Variants in SAMD9L observed in about 807,000 individuals in gnomAD.
SAMD9L encodes sterile alpha motif domain containing 9 like, also known as sterile alpha motif domain-containing protein 9-like.
A neutral mutation model predicts 90.7 loss-of-function variants in SAMD9L; 68 were observed. The observed-to-expected ratio is 0.75, with a 90% CI of 0.62 to 0.92. The LOEUF is 0.92. Ranked by LOEUF, SAMD9L falls within the 40% of genes least tolerant of loss-of-function variation. The pLI, the probability that SAMD9L is intolerant of heterozygous loss-of-function variation, is 0.00. For missense variants in SAMD9L, 1,604 were observed against 1,824.3 expected, an observed-to-expected ratio of 0.88 and a Z score of 2.20; for synonymous variants, 640 against 630.1, an observed-to-expected ratio of 1.02 and a Z score of -0.23.
intron 4 of SAMD9L, among the ~76,000 whole-genome samples, chr7:93,137,562 T>C (rs1279991242): frequency 6.6e-6 from 1 of 151,950 alleles, no homozygotes; most frequent in Non-Finnish European, 1.5e-5. Flanking sequence ...GTAATAATAA[T>C]AGAAATAAAG....
chr7:93,144,538 T>A (rs1792819096), intron 4 of SAMD9L, among the ~76,000 whole-genome samples, 194 bp downstream of exon 4: 1 of 152,318 alleles, frequency 6.6e-6, no homozygotes, highest in Middle Eastern at 3.4e-3. Flanking sequence ...GATTTGAGCA[T>A]GTACAGGTTT....
rs751692411 is a variant in SAMD9L, at chr7:93,134,224, T to A, written c.1748A>T (p.Asn583Ile). Residue 583 changes from asparagine to isoleucine, a missense_variant, in exon 5 of 5, where the codon AAC (asparagine) becomes ATC (isoleucine). Asn to Ile is a moderately radical substitution (Grantham distance 149). Transcript: ENST00000318238. ...GMENMLCISV[N>I]SHIYQRWKDL... is the part of the protein sequence containing the mutation. ...TTTCCATCGTTGATAAATATGTGAG[T>A]TTACAGAGATACACAACATATTTTC... The A allele has an allele frequency of 6.2e-7, 1 of 1,613,202 alleles. No individual in the cohort carries two copies. The highest frequency in any genetic ancestry group is 1.7e-5 in the Admixed American group (1 of 59,930).
In SAMD9L at chr7:93,134,336, C is replaced by G; in HGVS notation, c.1636G>C (p.Val546Leu). The G allele has an allele frequency of 6.2e-7, 1 of 1,610,818 alleles. No homozygotes were observed. Among genetic ancestry groups the G allele is most frequent in the Non-Finnish European group, 8.5e-7 (1 of 1,179,076 alleles). ...TCCACTGAAGAGAGTAATAGAAACA[C>G]TACCAAAAATTTTCCTCTTGTCATT... is the stretch of plus-strand genomic sequence containing the variant. ...NIMTRGKFLV[V>L]FLLLSSVESP... The change falls in exon 5 of 5, where the codon GTG (valine) becomes CTG (leucine). Residue 546 changes from valine (V) to leucine (L), a missense_variant. Physicochemically the swap from Val to Leu is conservative, Grantham distance 32. Around this residue, in one of 7 missense-constraint regions of SAMD9L, gnomAD observed 606 missense variants for 717.6 expected, o/e 0.84. Coordinates refer to ENST00000318238, the MANE Select transcript of SAMD9L (RefSeq NM_152703.5).
intron 1 of SAMD9L, among the ~76,000 whole-genome samples, 178 bp from the exon 2 acceptor site, chr7:93,147,324 C>A (rs563351683): frequency 6.6e-6 from 1 of 152,276 alleles, no homozygotes; most frequent in Non-Finnish European, 1.5e-5. Context: ...CCTCAGTGTC[C>A]TGTTTTGAAA....
Position 93,133,693 on chromosome 7 carries a change from T to G in SAMD9L, c.2279A>C (p.Lys760Thr), listed in dbSNP as rs1461453820. The G allele has an allele frequency of 6.2e-7, 1 of 1,613,608 alleles. No individual in the cohort carries two copies. Among genetic ancestry groups the G allele is most frequent in the East Asian group, 2.2e-5 (1 of 44,870 alleles). Residue 760 changes from lysine to threonine, a missense_variant, in exon 5 of 5, where the codon AAA becomes ACA. By Grantham distance (78) the Lys-to-Thr change is moderately conservative. This residue lies in a region of SAMD9L where 606 missense variants were observed against 717.6 expected (regional missense o/e 0.84). Coordinates refer to ENST00000318238, the MANE Select transcript of SAMD9L (RefSeq NM_152703.5). ...LAMHVLWDLK[K>T]NFRCAVLKNK... is the part of the protein sequence containing the mutation. ...TTTTAACACAGCACATCTGAAGTTT[T>G]TCTTTAAGTCCCAGAGAACATGCAT...
At chr7:93,136,077 G>T (rs1792442174) in intron 4 of SAMD9L, 86 bp from the exon 5 acceptor site, 2 of 852,514 alleles carry the variant, frequency 2.3e-6, no homozygotes, top group Non-Finnish European at 3.4e-6. Context: ...TTATCATACA[G>T]AAGATACATA....
At position 93,131,654 on chromosome 7, in the gene SAMD9L, C is replaced by T; in HGVS notation, c.4318G>A (p.Glu1440Lys). The T allele has an allele frequency of 6.2e-7, 1 of 1,613,786 alleles. No individual in the cohort carries two copies. The highest frequency in any genetic ancestry group is 8.5e-7 in the Non-Finnish European group (1 of 1,179,882). Residue 1440 changes from glutamate (E) to lysine (K), a missense_variant, in exon 5 of 5, where the codon GAG (glutamate) becomes AAG (lysine). Coordinates refer to ENST00000318238, the MANE Select transcript of SAMD9L (RefSeq NM_152703.5). ...ACLLFWPENQ[E>K]LDQDSKLIEK... ...ATTAGTTTGGAATCTTGATCTAGCT[C>T]TTGATTTTCTGGCCAGAACAGGAGG...
intron 4 of SAMD9L, among the ~76,000 whole-genome samples, chr7:93,140,577 A>T (rs977757073): frequency 7.9e-5 from 12 of 152,014 alleles, no homozygotes; most frequent in Non-Finnish European, 5.9e-5. Flanking sequence ...AACTTACAAC[A>T]CCTCCTCACC....
In SAMD9L at chr7:93,132,135, T is replaced by C. The variant is rs768541179; in HGVS notation, c.3837A>G (p.Lys1279=). ...CAATTTCTTTTTGGGTATACCTCAT[T>C]TTCAGAAGAACCATATAATCAATAA... ...DFFIDYMVLL[K]MRYTQKEIAE... The change falls in exon 5 of 5, where the codon AAA becomes AAG. Residue 1279 remains lysine, a synonymous_variant. Transcript: ENST00000318238. The C allele has an allele frequency of 2.5e-6, 4 of 1,612,976 alleles. No individual in the cohort carries two copies. Among genetic ancestry groups the C allele is most frequent in the Non-Finnish European group, 3.4e-6 (4 of 1,179,692 alleles).
In SAMD9L at chr7:93,130,098, T is replaced by A. The variant is rs1251004746; in HGVS notation, c.*1119A>T. 3 of 152,228 alleles carry A rather than the reference T, an allele frequency of 2.0e-5. No individual in the cohort carries two copies. Among genetic ancestry groups the A allele is most frequent in the Non-Finnish European group, 4.4e-5 (3 of 68,048 alleles). 9.4% of individuals were successfully genotyped at this position (152,228 alleles called of 1,614,324 possible). A position where few individuals can be genotyped will look rare whatever the true frequency, so the allele number is the denominator to read the frequency against. ...TTTTTATTCAATATTCAATTTAATCTATATTAGCCTATGTTTCACTTTATA... is the reference window on the plus strand; with the variant it reads ...TTTTTATTCAATATTCAATTTAATCAATATTAGCCTATGTTTCACTTTATA... On this transcript the variant is annotated 3_prime_UTR_variant, in exon 5 of 5. Coordinates refer to ENST00000318238, the MANE Select transcript of SAMD9L (RefSeq NM_152703.5).
chr7:93,143,938 ACATGAGGGCTTT>A (rs1792791826), intron 4 of SAMD9L, among the ~76,000 whole-genome samples: 1 of 152,226 alleles, frequency 6.6e-6, no homozygotes, highest in Admixed American at 6.5e-5. Flanking sequence ...ATAGTTTTAA[ACATGAGGGCTTT>A]CATGTTTAGC....
rs916949363 is a variant in SAMD9L, at chr7:93,131,944, A to T, written c.4028T>A (p.Leu1343His). ...GTAGTTTGGATTAAGATATTCCAAG[A>T]GTCCAGCAAACCTATCTGCTCTCAG... ...EALRADRFAG[L>H]LEYLNPNYKD... The change falls in exon 5 of 5, where the codon CTC becomes CAC. Residue 1343 changes from leucine (L) to histidine (H), a missense_variant. Coordinates refer to ENST00000318238, the MANE Select transcript of SAMD9L (RefSeq NM_152703.5). 11 of 1,612,964 alleles carry T rather than the reference A, an allele frequency of 6.8e-6. No individual in the cohort carries two copies. The highest frequency in any genetic ancestry group is 1.7e-4 in the Middle Eastern group (1 of 6,050).
Position 93,134,019 on chromosome 7 carries a change from A to G in SAMD9L, c.1953T>C (p.Asp651=), listed in dbSNP as rs769117762. The G allele has an allele frequency of 1.2e-6, 2 of 1,613,782 alleles. No homozygotes were observed. The highest frequency in any genetic ancestry group is 1.7e-6 in the Non-Finnish European group (2 of 1,179,858). ...SSVILEKKKE[D]VLTALEILCE... Reference sequence around the variant, plus strand: ...AGAGGATTTCCAGTGCAGTCAAGACATCCTCTTTCTTTTTCTCTAGGATAA... The same window carrying G: ...AGAGGATTTCCAGTGCAGTCAAGACGTCCTCTTTCTTTTTCTCTAGGATAA... Residue 651 remains aspartate (D), a synonymous_variant, in exon 5 of 5, where the codon GAT becomes GAC. Transcript: ENST00000318238.
chr7:93,140,237 A>C (rs1392902000), intron 4 of SAMD9L, among the ~76,000 whole-genome samples: 1 of 146,502 alleles, frequency 6.8e-6, no homozygotes, highest in Non-Finnish European at 1.5e-5. Context: ...AGCATGCTGA[A>C]CAATGGCCCT....
At chr7:93,136,354 T>C (rs1023373126) in intron 4 of SAMD9L, among the ~76,000 whole-genome samples, 2 of 152,162 alleles carry the variant, frequency 1.3e-5, no homozygotes, top group Non-Finnish European at 2.9e-5. Flanking sequence ...ATAGGAATAT[T>C]GCAAATAAAC....
chr7:93,131,590 C>G lies in SAMD9L; in HGVS notation c.4382G>C (p.Gly1461Ala), dbSNP rs1188816314. The G allele has an allele frequency of 6.2e-7, 1 of 1,613,740 alleles. No homozygotes were observed. The highest frequency in any genetic ancestry group is 8.5e-7 in the Non-Finnish European group (1 of 1,179,882). Residue 1461 changes from glycine to alanine, a missense_variant, in exon 5 of 5, where the codon GGA becomes GCA. By Grantham distance (60) the Gly-to-Ala change is moderately conservative. This residue lies in a region of SAMD9L where 282 missense variants were observed against 329.6 expected (regional missense o/e 0.86). Coordinates refer to ENST00000318238, the MANE Select transcript of SAMD9L (RefSeq NM_152703.5). ...GGACCTGCACATGCGCTTGTACTGTCCCCTGAAGGATCTATTTAAGGATGA... is the reference window on the plus strand; with the variant it reads ...GGACCTGCACATGCGCTTGTACTGTGCCCTGAAGGATCTATTTAAGGATGA... ...YVSSLNRSFR[G>A]QYKRMCRSKQ...
intron 4 of SAMD9L, among the ~76,000 whole-genome samples, chr7:93,142,538 C>T (rs1282755222): frequency 6.6e-6 from 1 of 152,206 alleles, no homozygotes; most frequent in Non-Finnish European, 1.5e-5. Flanking sequence ...TTTTATTCTT[C>T]ATCTAACAGG....
chr7:93,138,568 G>A (rs1792551684), intron 4 of SAMD9L, among the ~76,000 whole-genome samples: 1 of 152,166 alleles, frequency 6.6e-6, no homozygotes, highest in African/African-American at 2.4e-5. Flanking sequence ...TGAAGTTAAG[G>A]GAACTGCTGG....
At position 93,135,318 on chromosome 7, in the gene SAMD9L, G is replaced by T; in HGVS notation, c.654C>A (p.Ser218Arg). The change falls in exon 5 of 5, where the codon AGC becomes AGA. Residue 218 changes from serine (S) to arginine (R), a missense_variant. Coordinates refer to ENST00000318238, the MANE Select transcript of SAMD9L (RefSeq NM_152703.5). ...CTGATGCAAATCGGAAGACTTCATT[G>T]CTGAATTTCATCTTAATGTCCACTT... Reference protein sequence around the residue: ...ATEVDIKMKFSNEVFRFASAC... With the variant: ...ATEVDIKMKFRNEVFRFASAC... 6.2e-7 allele frequency: 1 copy of T among 1,614,092 alleles called. No individual in the cohort carries two copies. The highest frequency in any genetic ancestry group is 8.5e-7 in the Non-Finnish European group (1 of 1,179,984).
Sources: gnomAD v4.1 joint callset for allele counts (sites outside exome capture counted in the v4.1 genomes callset) on GRCh38, gnomAD v4.1.1 for gene constraint, gnomAD v4.1.1 regional missense constraint, MANE v1.5 for transcripts, NCBI Gene and HGNC (gene_info 2026-07-23, HGNC 2026-07-21) for gene names.